ADHFE1: variants seen among roughly 807,000 people sequenced by gnomAD.
The protein encoded by ADHFE1 is hydroxyacid-oxoacid transhydrogenase, mitochondrial.
Under a neutral mutation model 54.8 loss-of-function variants are expected in ADHFE1, and 37 were observed. That is an observed-to-expected ratio of 0.68 (90% CI 0.52 to 0.89). The LOEUF (loss-of-function observed/expected upper bound fraction) is 0.89, where lower values mean the gene tolerates loss of function less well. Among genes scored for constraint, ADHFE1 ranks in the 40% least tolerant of loss-of-function variants. The pLI is 0.00. For synonymous variants in ADHFE1, 203 were observed against 229.3 expected (o/e 0.89, Z 1.04); for missense variants, 601 against 591.2 (o/e 1.02, Z -0.17).
At chr8:66,452,473 A>T (rs1030897951) in intron 9 of ADHFE1, among the ~76,000 whole-genome samples, 2 of 152,234 alleles carry the variant, frequency 1.3e-5, no homozygotes, top group Non-Finnish European at 2.9e-5. Flanking sequence ...CCTTTGAGTT[A>T]ACTCAAATGA....
chr8:66,454,092 G>A lies in ADHFE1; in HGVS notation c.921G>A (p.Arg307=), dbSNP rs1334541036. The change falls in exon 10 of 14, where the codon AGG becomes AGA. Residue 307 remains arginine (R), a synonymous_variant. Transcript: ENST00000396623. ...AVRNPDDLEA[R]SHMHLASAFA... ...GAAATCCCGATGATCTTGAAGCAAG[G>A]TCTCATATGCACTTGGCAAGTGCTT... 6.8e-6 allele frequency: 11 copies of A among 1,614,092 alleles called. No homozygotes were observed. Among genetic ancestry groups the A allele is most frequent in the Non-Finnish European group, 9.3e-6 (11 of 1,179,992 alleles).
intron 10 of ADHFE1, among the ~76,000 whole-genome samples, chr8:66,455,460 G>T (rs1278707684): frequency 6.6e-6 from 1 of 152,218 alleles, no homozygotes; most frequent in Non-Finnish European, 1.5e-5. Flanking sequence ...ATAGGCCTTT[G>T]CTAGGGTGAG....
intron 3 of ADHFE1, among the ~76,000 whole-genome samples, chr8:66,443,162 A>AGGTCAAAG (rs1424477108): frequency 6.6e-6 from 1 of 151,912 alleles, no homozygotes. Context: ...ATCCCAAAAG[A>AGGTCAAAG]GGTCAAAGTA....
At chr8:66,435,846 C>A (rs989465753) in intron 1 of ADHFE1, among the ~76,000 whole-genome samples, 4 of 151,374 alleles carry the variant, frequency 2.6e-5, no homozygotes, top group Non-Finnish European at 5.9e-5. Flanking sequence ...TGGCCCCAAG[C>A]AGTCTTCCCA....
At chr8:66,442,880 G>A in intron 3 of ADHFE1, 36 bp downstream of exon 3, 2 of 1,478,634 alleles carry the variant, frequency 1.4e-6, no homozygotes, top group Admixed American at 2.4e-5. Context: ...TTTTATGAAT[G>A]ACTAGAAAAA....
chr8:66,433,269 G>A (rs1427872085), intron 1 of ADHFE1, among the ~76,000 whole-genome samples: 1 of 152,208 alleles, frequency 6.6e-6, no homozygotes, highest in East Asian at 1.9e-4. Flanking sequence ...GGAAAGGCGA[G>A]GGACTGGCGA....
chr8:66,444,454 T>C lies in ADHFE1; in HGVS notation c.198+34T>C, dbSNP rs377218722. On this transcript the variant is annotated intron_variant, in intron 4 of 13. Transcript: ENST00000396623. ...TCGAGATGTCTACGGTCTCCTACTG[T>C]AAATGTTACATATCTCACAAGACCA... 3 of 1,611,226 alleles carry C rather than the reference T, an allele frequency of 1.9e-6. No individual in the cohort carries two copies. The African/African-American group carries it at 4.0e-5, about 22-fold the overall frequency.
At chr8:66,460,835 G>A (rs1262553207) in intron 13 of ADHFE1, among the ~76,000 whole-genome samples, 1 of 152,122 alleles carries the variant, frequency 6.6e-6, no homozygotes, top group Admixed American at 6.6e-5. Context: ...GTTCCAAAAG[G>A]ACCACCAATA....
intron 11 of ADHFE1, 84 bp from the exon 12 acceptor site, chr8:66,456,986 T>A (rs1340418374): frequency 6.7e-7 from 1 of 1,502,478 alleles, no homozygotes; most frequent in Admixed American, 2.0e-5. Context: ...GCTTAGAGTA[T>A]GGGGTAAAGT....
rs1805975562 is a variant in ADHFE1 at position 66,445,412 on chromosome 8, C to A, written c.548C>A (p.Ala183Glu). The change falls in exon 6 of 14, where the codon GCA (alanine) becomes GAA (glutamate). Residue 183 changes from alanine to glutamate, a missense_variant and splice_region_variant. Coordinates refer to ENST00000396623, the MANE Select transcript of ADHFE1 (RefSeq NM_144650.3). ...TCTGTGCCTCTTAAGCCTCTGATTG[C>A]AGGTAAAGACTGTTTATTTCTTTGT... ...PVSVPLKPLI[A>E]VPTTSGTGSE... 6.3e-7 allele frequency: 1 copy of A among 1,596,492 alleles called. No homozygotes were observed. Among genetic ancestry groups the A allele is most frequent in the African/African-American group, 1.4e-5 (1 of 73,616 alleles).
chr8:66,446,428 C>T (rs570205315), intron 6 of ADHFE1, among the ~76,000 whole-genome samples: 40 of 152,268 alleles, frequency 2.6e-4, no homozygotes, highest in African/African-American at 9.6e-4. Flanking sequence ...CTGCATTGAC[C>T]CAGCTGCAGC....
Position 66,439,087 on chromosome 8 carries a change from A to C in ADHFE1, c.60-1075A>C. ...TCCCCCGGCGCGCGCGTCGGGAACC[A>C]CTAGATGGCAGCCGCGACTCGCGCC... On this transcript the variant is annotated intron_variant, in intron 1 of 13. Coordinates refer to ENST00000396623, the MANE Select transcript of ADHFE1 (RefSeq NM_144650.3). This position sits in a 1 kb window ranked among gnomAD's most constrained non-coding sequence, Gnocchi z 4.4. 1 of 696,624 alleles carries C rather than the reference A, an allele frequency of 1.4e-6. No individual in the cohort carries two copies. The highest frequency in any genetic ancestry group is 1.8e-6 in the Non-Finnish European group (1 of 566,562). 43.2% of individuals were successfully genotyped at this position (696,624 alleles called of 1,614,324 possible).
At chr8:66,441,301 G>A (rs1285046321) in intron 2 of ADHFE1, among the ~76,000 whole-genome samples, 1 of 152,190 alleles carries the variant, frequency 6.6e-6, no homozygotes, top group Non-Finnish European at 1.5e-5. Flanking sequence ...CAGCGGTACA[G>A]TCGTAGCTCA....
intron 1 of ADHFE1, among the ~76,000 whole-genome samples, chr8:66,438,426 G>A (rs560320936): frequency 6.6e-6 from 1 of 152,184 alleles, no homozygotes; most frequent in Non-Finnish European, 1.5e-5. Context: ...GCCAGTAAAA[G>A]AACAATTAGA....
In ADHFE1 at chr8:66,452,174, A is replaced by G. The variant is rs1806334835; in HGVS notation, c.887+69A>G. ...ATTCTGCCAGCACGTGAAACATGAC[A>G]TGCCTGAGCCTGAAATATCCTGAGC... On this transcript the variant is annotated intron_variant, in intron 9 of 13. Transcript: ENST00000396623. The G allele has an allele frequency of 1.0e-5, 16 of 1,566,378 alleles. No individual in the cohort carries two copies. In the Admixed American group the frequency reaches 1.1e-4, roughly 10 times the overall value.
In ADHFE1 at chr8:66,444,609, G is replaced by A. The variant is rs986111442; in HGVS notation, c.214G>A (p.Gly72Ser). 3 of 1,614,090 alleles carry A rather than the reference G, an allele frequency of 1.9e-6. No individual in the cohort carries two copies. In the Admixed American group the frequency reaches 5.0e-5, roughly 27 times the overall value. Residue 72 changes from glycine (G) to serine (S), a missense_variant, in exon 5 of 14, where the codon GGT becomes AGT. Gly to Ser is a moderately conservative substitution (Grantham distance 56). Coordinates refer to ENST00000396623, the MANE Select transcript of ADHFE1 (RefSeq NM_144650.3). ...TTTCTTGTAGGACCTAAAAAACATG[G>A]GTGCTAAAAATGTGTGCTTGATGAC... ...KEVGMDLKNM[G>S]AKNVCLMTDK...
intron 10 of ADHFE1, among the ~76,000 whole-genome samples, chr8:66,455,540 A>G (rs757717197): frequency 1.3e-5 from 2 of 152,274 alleles, no homozygotes; most frequent in Non-Finnish European, 2.9e-5. Flanking sequence ...CTTTCCAAAA[A>G]GCAAGTGAGC....
At position 66,432,662 on chromosome 8, in the gene ADHFE1, T is replaced by C. The variant is rs1367663831; in HGVS notation, c.59+87T>C. The C allele has an allele frequency of 4.0e-6, 5 of 1,238,276 alleles. No individual in the cohort carries two copies. The East Asian group carries it at 1.3e-4, about 31-fold the overall frequency. The allele number at this position is 1,238,276 out of a possible 1,614,324, so 76.7% of individuals were successfully genotyped here. ...TGACCCGCTCAGATCCTGCGCAGTC[T>C]TCTCCGCTTACTTTCAAGAATTCGG... On this transcript the variant is annotated intron_variant, in intron 1 of 13. Transcript: ENST00000396623.
At chr8:66,451,740 G>C (rs1482072328) in intron 8 of ADHFE1, among the ~76,000 whole-genome samples, 2 of 152,166 alleles carry the variant, frequency 1.3e-5, no homozygotes, top group Middle Eastern at 6.3e-3. Flanking sequence ...CTGTAATGCT[G>C]TTAATGTAAA....
Sources: gnomAD v4.1 joint callset for allele counts (sites outside exome capture counted in the v4.1 genomes callset) on GRCh38, gnomAD v4.1.1 for gene constraint, Gnocchi (gnomAD v3.1) non-coding constraint, MANE v1.5 for transcripts, NCBI Gene and HGNC (gene_info 2026-07-23, HGNC 2026-07-21) for gene names.